EFR3B: variants seen among roughly 807,000 people sequenced by gnomAD.
EFR3B encodes the protein EFR3 homolog B, also known as protein EFR3 homolog B.
A neutral mutation model predicts 104.7 loss-of-function variants in EFR3B; 64 were observed. That is an observed-to-expected ratio of 0.61 (90% CI 0.50 to 0.75). EFR3B has a LOEUF of 0.75. Among genes scored for constraint, EFR3B ranks in the 30% least tolerant of loss-of-function variants. The pLI is 0.00. For missense variants in EFR3B, 750 were observed against 1,078.5 expected, an observed-to-expected ratio of 0.70 and a Z score of 4.27; for synonymous variants, 385 against 417.9, an observed-to-expected ratio of 0.92 and a Z score of 0.96.
chr2:25,069,578 A>G (rs1026845636), intron 1 of EFR3B, among the ~76,000 whole-genome samples: 1 of 152,260 alleles, frequency 6.6e-6, no homozygotes, highest in Non-Finnish European at 1.5e-5. Flanking sequence ...GGGCAGGGCT[A>G]CCATGTAGAC....
chr2:25,094,052 T>C (rs529783), intron 3 of EFR3B, among the ~76,000 whole-genome samples: 151,873 of 152,124 alleles, frequency 1, 75,813 homozygotes, highest in Middle Eastern at 1. Context: ...TTTAGGAGGC[T>C]GAGGTGGGAG....
chr2:25,106,114 C>T (rs1669555578), intron 4 of EFR3B, among the ~76,000 whole-genome samples: 2 of 152,170 alleles, frequency 1.3e-5, no homozygotes, highest in South Asian at 4.1e-4. Flanking sequence ...TCCTTTTGCT[C>T]CTCATCGTTT....
At chr2:25,092,443 C>CAT (rs201381425) in intron 2 of EFR3B, among the ~76,000 whole-genome samples, 40,315 of 150,486 alleles carry the variant, frequency 0.27, 5,510 homozygotes, top group South Asian at 0.38. Context: ...CACACACACA[C>CAT]GGTATATATA....
chr2:25,083,598 G>C (rs906168821), intron 1 of EFR3B, among the ~76,000 whole-genome samples: 10 of 152,124 alleles, frequency 6.6e-5, no homozygotes, highest in African/African-American at 2.4e-4. Context: ...AAGCTGCTTT[G>C]GGACCCAGAA....
At chr2:25,117,729 A>G (rs983270307) in intron 4 of EFR3B, among the ~76,000 whole-genome samples, 3 of 151,952 alleles carry the variant, frequency 2.0e-5, no homozygotes, top group African/African-American at 7.3e-5. Context: ...ATAAAATAAT[A>G]CTAAGGTGCC....
intron 1 of EFR3B, among the ~76,000 whole-genome samples, chr2:25,052,104 G>A (rs548302531): frequency 1.3e-5 from 2 of 151,614 alleles, no homozygotes; most frequent in Admixed American, 1.3e-4. Context: ...GCTGAGGCAG[G>A]AGAATCACCT....
intron 1 of EFR3B, among the ~76,000 whole-genome samples, chr2:25,087,853 TAAG>T (rs10589216): frequency 0.11 from 16,999 of 152,192 alleles, 2,321 homozygotes; most frequent in African/African-American, 0.33. Context: ...GTTTTTTATC[TAAG>T]AAGTCATCGC....
At position 25,112,203 on chromosome 2, in the gene EFR3B, C is replaced by T. The variant is rs1441518032; in HGVS notation, c.363+8416C>T. Reference sequence around the variant, plus strand: ...AAATCAGCACTGCTAGAGACCAAGGCCAGTGGAACGGCCCAAGGCATGGGG... The same window carrying T: ...AAATCAGCACTGCTAGAGACCAAGGTCAGTGGAACGGCCCAAGGCATGGGG... On this transcript the variant is annotated intron_variant, in intron 4 of 22. Coordinates refer to ENST00000403714, the MANE Select transcript of EFR3B (RefSeq NM_014971.2). 3.3e-5 allele frequency among the ~76,000 whole-genome samples: 5 copies of T among 152,266 alleles called. No individual in the cohort carries two copies. In the East Asian group the frequency reaches 9.6e-4, roughly 29 times the overall value.
intron 12 of EFR3B, among the ~76,000 whole-genome samples, chr2:25,134,344 AT>A (rs749002362): frequency 1.3e-5 from 2 of 151,828 alleles, no homozygotes; most frequent in Non-Finnish European, 2.9e-5. Context: ...ATTTTTTTGT[AT>A]TTTTAGTAGA....
chr2:25,056,953 C>G (rs1371725223), intron 1 of EFR3B, among the ~76,000 whole-genome samples: 7 of 152,174 alleles, frequency 4.6e-5, no homozygotes. Flanking sequence ...CCTCTCTCAG[C>G]TTCAGTTTCA....
chr2:25,140,927 G>A (rs1013982941), intron 16 of EFR3B, among the ~76,000 whole-genome samples: 7 of 151,960 alleles, frequency 4.6e-5, no homozygotes, highest in African/African-American at 1.7e-4. Context: ...TGCAGTCTCA[G>A]TTACTCGGGA....
chr2:25,100,204 C>CA (rs1244743428), intron 3 of EFR3B, among the ~76,000 whole-genome samples: 1 of 150,816 alleles, frequency 6.6e-6, no homozygotes, highest in African/African-American at 2.4e-5. Context: ...AACTCCGTCT[C>CA]AAAAAAAAAA....
At chr2:25,068,449 C>T (rs187491140) in intron 1 of EFR3B, among the ~76,000 whole-genome samples, 7 of 152,162 alleles carry the variant, frequency 4.6e-5, no homozygotes, top group East Asian at 1.9e-4. Flanking sequence ...GAAGGCTCCA[C>T]GCCTCATTTT....
intron 1 of EFR3B, among the ~76,000 whole-genome samples, chr2:25,064,552 C>T (rs1194211760): frequency 1.3e-5 from 2 of 152,134 alleles, no homozygotes; most frequent in Non-Finnish European, 2.9e-5. Flanking sequence ...CTATTGTTTT[C>T]ATGTGATAGA....
Position 25,068,904 on chromosome 2 carries a change from C to T in EFR3B, c.8-22421C>T, listed in dbSNP as rs1019477642. Reference sequence around the variant, plus strand: ...TTGGCCTCCCAAAGTGCTGGGATTACAGGCGTGAGCCACCGCGCCCGGCAT... The same window carrying T: ...TTGGCCTCCCAAAGTGCTGGGATTATAGGCGTGAGCCACCGCGCCCGGCAT... On this transcript the variant is annotated intron_variant, in intron 1 of 22. Coordinates refer to ENST00000403714, the MANE Select transcript of EFR3B (RefSeq NM_014971.2). Among the ~76,000 whole-genome samples the T allele has an allele frequency of 8.1e-5, 12 of 148,036 alleles. 1 individual carries two copies. In the South Asian group the frequency reaches 1.1e-3, roughly 13 times the overall value.
At chr2:25,145,167 G>A (rs779959764) in intron 19 of EFR3B, 116 bp downstream of exon 19, 31 of 904,858 alleles carry the variant, frequency 3.4e-5, no homozygotes, top group East Asian at 2.6e-4. Flanking sequence ...CAAGTTTCTC[G>A]AGTAATTCCA....
At position 25,103,727 on chromosome 2, in the gene EFR3B, G is replaced by A; in HGVS notation, c.303G>A (p.Lys101=). 6.4e-7 allele frequency: 1 copy of A among 1,551,756 alleles called. No homozygotes were observed. Among genetic ancestry groups the A allele is most frequent in the Non-Finnish European group, 8.7e-7 (1 of 1,146,984 alleles). The change falls in exon 4 of 23, where the codon AAG becomes AAA. Residue 101 remains lysine (K), a synonymous_variant. Coordinates refer to ENST00000403714, the MANE Select transcript of EFR3B (RefSeq NM_014971.2). ...ACCTCTTCGTGGAGAGCTTCCTCAA[G>A]ATGGTGGCCAAGCTGCTGGAGTCAG... The part of the protein sequence containing the change: ...SINLFVESFL[K]MVAKLLESEK...
chr2:25,047,680 G>A (rs1023252836), intron 1 of EFR3B, among the ~76,000 whole-genome samples: 1 of 151,784 alleles, frequency 6.6e-6, no homozygotes, highest in Non-Finnish European at 1.5e-5. Flanking sequence ...TGTATTTTTA[G>A]TAGAGATGGG....
At chr2:25,096,293 C>T (rs1316585970) in intron 3 of EFR3B, among the ~76,000 whole-genome samples, 7 of 152,166 alleles carry the variant, frequency 4.6e-5, no homozygotes, top group African/African-American at 1.4e-4. Context: ...GGATTACAGG[C>T]GGGAGCCACC....
Sources: allele counts gnomAD v4.1 joint callset (sites outside exome capture counted in the v4.1 genomes callset), GRCh38; gene constraint gnomAD v4.1.1; transcripts MANE v1.5; gene names NCBI Gene and HGNC (gene_info 2026-07-23, HGNC 2026-07-21).